The following ATP1B3 variants were observed in gnomAD, a reference collection of about 807,000 sequenced individuals.
ATP1B3 encodes the protein sodium/potassium-transporting ATPase subunit beta-3.
A neutral mutation model predicts 30.2 loss-of-function variants in ATP1B3; 10 were observed. The observed-to-expected ratio is 0.33, with a 90% CI of 0.20 to 0.56. The LOEUF (loss-of-function observed/expected upper bound fraction) is 0.56. Ranked by LOEUF, ATP1B3 falls within the 20% of genes least tolerant of loss-of-function variation. The pLI, the probability that ATP1B3 is intolerant of heterozygous loss-of-function variation, is 0.90. For missense variants in ATP1B3, 238 were observed against 336.7 expected, an observed-to-expected ratio of 0.71 and a Z score of 2.29; for synonymous variants, 113 against 117.0, an observed-to-expected ratio of 0.97 and a Z score of 0.22.
At chr3:141,911,307 C>T (rs1283210437) in intron 3 of ATP1B3, among the ~76,000 whole-genome samples, 3 of 152,026 alleles carry the variant, frequency 2.0e-5, no homozygotes, top group East Asian at 1.9e-4. Context: ...GTTTTTAAAA[C>T]GTTCGACTGC....
At chr3:141,899,591 T>C (rs1934124291) in intron 1 of ATP1B3, among the ~76,000 whole-genome samples, 2 of 152,198 alleles carry the variant, frequency 1.3e-5, no homozygotes, top group South Asian at 4.1e-4. Context: ...ATTTGTTGGC[T>C]GGATGCAGTG....
Position 141,881,159 on chromosome 3 carries a change from C to T in ATP1B3, c.109+4249C>T, listed in dbSNP as rs554738121. 3.9e-4 allele frequency among the ~76,000 whole-genome samples: 58 copies of T among 150,612 alleles called. No homozygotes were observed. The East Asian group carries it at 9.6e-3, about 25-fold the overall frequency. ...TGGAGGTTACAGTGAGCCAAGATCG[C>T]GCCACTGCACTCCAGCCTGAGCGAC... On this transcript the variant is annotated intron_variant, in intron 1 of 6. Coordinates refer to ENST00000286371, the MANE Select transcript of ATP1B3 (RefSeq NM_001679.4).
intron 1 of ATP1B3, among the ~76,000 whole-genome samples, chr3:141,895,168 G>A (rs1386825611): frequency 1.4e-5 from 2 of 147,912 alleles, no homozygotes; most frequent in African/African-American, 2.5e-5. Context: ...GCATGTTATT[G>A]TCTCTTTTTT....
intron 1 of ATP1B3, among the ~76,000 whole-genome samples, chr3:141,889,765 AC>A (rs1331739471): frequency 2.4e-5 from 3 of 126,060 alleles, no homozygotes; most frequent in Non-Finnish European, 4.8e-5. Flanking sequence ...ATACACACAC[AC>A]ACACACACAC....
chr3:141,901,461 G>A (rs1934162453), intron 1 of ATP1B3, among the ~76,000 whole-genome samples: 1 of 152,178 alleles, frequency 6.6e-6, no homozygotes, highest in South Asian at 2.1e-4. Context: ...TTAAAAATTA[G>A]ATTTGGTTCT....
intron 1 of ATP1B3, among the ~76,000 whole-genome samples, chr3:141,892,579 A>G (rs1402829830): frequency 6.9e-6 from 1 of 145,714 alleles, no homozygotes; most frequent in African/African-American, 2.6e-5. Flanking sequence ...TATTGCTTGA[A>G]CTGGGAGGCA....
intron 2 of ATP1B3, among the ~76,000 whole-genome samples, chr3:141,905,981 A>G (rs1934257790): frequency 2.0e-5 from 3 of 151,860 alleles, no homozygotes; most frequent in African/African-American, 7.2e-5. Flanking sequence ...TATGGGACAT[A>G]TTAAACATTT....
chr3:141,889,748 A>AT lies in ATP1B3; in HGVS notation c.109+12838_109+12839insT, dbSNP rs1211554880. 2.6e-3 allele frequency among the ~76,000 whole-genome samples: 208 copies of AT among 81,424 alleles called. 9 individuals carry two copies. The highest frequency in any genetic ancestry group is 7.3e-3 in the African/African-American group (145 of 19,772). 53.4% of individuals were successfully genotyped at this position (81,424 alleles called of 152,430 possible). The stretch of plus-strand genomic sequence containing the variant: ...CGTCTCAAAAAAAAAAAAAAAAAAA[A>AT]AAATATATACACACACACACACACA... On this transcript the variant is annotated intron_variant, in intron 1 of 6. Coordinates refer to ENST00000286371, the MANE Select transcript of ATP1B3 (RefSeq NM_001679.4).
chr3:141,891,501 T>G (rs1357208982), intron 1 of ATP1B3, among the ~76,000 whole-genome samples: 1 of 152,180 alleles, frequency 6.6e-6, no homozygotes, highest in Non-Finnish European at 1.5e-5. Flanking sequence ...CCTAAAAAAT[T>G]TTATATTTCA....
intron 1 of ATP1B3, among the ~76,000 whole-genome samples, chr3:141,888,092 A>C (rs915139249): frequency 7.2e-5 from 11 of 152,228 alleles, no homozygotes; most frequent in African/African-American, 2.7e-4. Context: ...CGCATGCTGA[A>C]TTGTTCTCTG....
intron 1 of ATP1B3, chr3:141,902,061 T>C (rs977275429): frequency 8.1e-5 from 91 of 1,126,216 alleles, no homozygotes; most frequent in Non-Finnish European, 1.1e-4. Flanking sequence ...GCCTGTGGGC[T>C]TTCTGTGTGT....
At chr3:141,910,702 C>G (rs1002428055) in intron 3 of ATP1B3, among the ~76,000 whole-genome samples, 1 of 152,082 alleles carries the variant, frequency 6.6e-6, no homozygotes, top group African/African-American at 2.4e-5. Context: ...GCCTTTTACT[C>G]CCAACTGTCC....
intron 5 of ATP1B3, among the ~76,000 whole-genome samples, chr3:141,920,888 G>A (rs1383299956): frequency 1.3e-5 from 2 of 152,048 alleles, no homozygotes; most frequent in Non-Finnish European, 2.9e-5. Context: ...TGGGTGGGGC[G>A]CATCATCACT....
chr3:141,883,348 G>A (rs562349496), intron 1 of ATP1B3, among the ~76,000 whole-genome samples: 1 of 152,196 alleles, frequency 6.6e-6, no homozygotes, highest in African/African-American at 2.4e-5. Flanking sequence ...AATTAGCCAG[G>A]TGTGGTGGCG....
chr3:141,919,429 T>C (rs879457949), intron 5 of ATP1B3, among the ~76,000 whole-genome samples: 1 of 152,212 alleles, frequency 6.6e-6, no homozygotes, highest in Non-Finnish European at 1.5e-5. Flanking sequence ...GGTGGCCTTT[T>C]ATATTATCAA....
At chr3:141,912,486 C>G (rs3828398) in intron 3 of ATP1B3, among the ~76,000 whole-genome samples, 13,560 of 151,962 alleles carry the variant, frequency 0.089, 756 homozygotes, top group East Asian at 0.16. Context: ...TGGTCTTGAA[C>G]TCTTCATCTC....
At position 141,903,616 on chromosome 3, in the gene ATP1B3, A is replaced by G. The variant is rs1934208389; in HGVS notation, c.110-4A>G. The G allele has an allele frequency of 6.2e-7, 1 of 1,613,374 alleles. No individual in the cohort carries two copies. The highest frequency in any genetic ancestry group is 8.5e-7 in the Non-Finnish European group (1 of 1,179,600). On this transcript the variant is annotated splice_polypyrimidine_tract_variant and splice_region_variant and intron_variant, in intron 1 of 6. Coordinates refer to ENST00000286371, the MANE Select transcript of ATP1B3 (RefSeq NM_001679.4). ...CATTTCATAAGTTTTATTTTCTTTT[A>G]CAGGTTTGATCTTGCTCTTCTACCT...
intron 1 of ATP1B3, chr3:141,902,112 T>C: frequency 7.8e-7 from 1 of 1,285,400 alleles, no homozygotes; most frequent in Non-Finnish European, 1.0e-6. Flanking sequence ...TCTTTGAGAT[T>C]GGTCTTTTCT....
chr3:141,924,820 G>A (rs193134165), intron 6 of ATP1B3, among the ~76,000 whole-genome samples: 3 of 152,192 alleles, frequency 2.0e-5, no homozygotes, highest in African/African-American at 7.2e-5. Flanking sequence ...GGGCGTGGTA[G>A]CGGGTGCCTG....
Sources: allele counts gnomAD v4.1 joint callset (sites outside exome capture counted in the v4.1 genomes callset), GRCh38; gene constraint gnomAD v4.1.1; transcripts MANE v1.5; gene names NCBI Gene and HGNC (gene_info 2026-07-23, HGNC 2026-07-21).